Variants in C8orf34 observed in about 807,000 individuals in gnomAD.
The protein encoded by C8orf34 is uncharacterized protein C8orf34.
Under a neutral mutation model 68.3 loss-of-function variants are expected in C8orf34, and 65 were observed. That is an observed-to-expected ratio of 0.95 (90% CI 0.78 to 1.17). C8orf34 has a LOEUF of 1.17. C8orf34 is among the 50% of genes most tolerant of loss of function. C8orf34 has a pLI of 0.00. For missense variants in C8orf34, 664 were observed against 655.4 expected (o/e 1.01, Z -0.14); for synonymous variants, 244 against 241.2 (o/e 1.01, Z -0.11).
chr8:68,713,352 CA>C (rs112161624), intron 9 of C8orf34, among the ~76,000 whole-genome samples: 2 of 150,600 alleles, frequency 1.3e-5, no homozygotes, highest in Non-Finnish European at 3.0e-5. Context: ...ACTGAAAGAA[CA>C]AAAAAAATAC....
chr8:68,640,521 A>G lies in C8orf34; in HGVS notation c.1241+10A>G, dbSNP rs1412910228. The G allele has an allele frequency of 6.2e-7, 1 of 1,611,036 alleles. No individual in the cohort carries two copies. Among genetic ancestry groups the G allele is most frequent in the South Asian group, 1.1e-5 (1 of 90,610 alleles). ...GTTCAAGGTGTGCCAGGTAAAAGAC[A>G]TAATAGGTATAGTATATATAAACAT... On this transcript the variant is annotated intron_variant, in intron 8 of 13. Coordinates refer to ENST00000518698, the MANE Select transcript of C8orf34 (RefSeq NM_052958.4).
At chr8:68,614,557 A>G (rs1486009220) in intron 7 of C8orf34, among the ~76,000 whole-genome samples, 3 of 152,104 alleles carry the variant, frequency 2.0e-5, no homozygotes, top group African/African-American at 7.2e-5. Flanking sequence ...TCCTTTCCCC[A>G]TTGCTTGTTT....
At chr8:68,738,748 C>A (rs2129527150) in intron 10 of C8orf34, among the ~76,000 whole-genome samples, 1 of 152,148 alleles carries the variant, frequency 6.6e-6, no homozygotes, top group South Asian at 2.1e-4. Flanking sequence ...GAAATTGAAT[C>A]TCTGTATAGA....
intron 11 of C8orf34, among the ~76,000 whole-genome samples, chr8:68,785,942 A>T (rs1374829929): frequency 3.9e-5 from 6 of 152,224 alleles, no homozygotes; most frequent in African/African-American, 1.4e-4. Flanking sequence ...TGGCAGATAG[A>T]ATATTTATCT....
intron 5 of C8orf34, among the ~76,000 whole-genome samples, chr8:68,494,054 A>T (rs539950864): frequency 1.3e-5 from 2 of 152,354 alleles, no homozygotes; most frequent in African/African-American, 4.8e-5. Flanking sequence ...ATTTATAGGA[A>T]ATAATTGGAC....
At chr8:68,464,687 C>T (rs1812024606) in intron 3 of C8orf34, among the ~76,000 whole-genome samples, 1 of 151,344 alleles carries the variant, frequency 6.6e-6, no homozygotes. Flanking sequence ...CTGAGAAAAA[C>T]AAGCAATGGG....
chr8:68,385,398 A>G (rs529389858), intron 1 of C8orf34, among the ~76,000 whole-genome samples: 1 of 152,326 alleles, frequency 6.6e-6, no homozygotes, highest in South Asian at 2.1e-4. Flanking sequence ...GGAAACAGGA[A>G]TAGCATTTTT....
At chr8:68,754,397 C>G (rs1822792447) in intron 10 of C8orf34, among the ~76,000 whole-genome samples, 1 of 152,202 alleles carries the variant, frequency 6.6e-6, no homozygotes. Flanking sequence ...TATGTTCTTT[C>G]ATGATTACTT....
intron 11 of C8orf34, among the ~76,000 whole-genome samples, chr8:68,784,806 G>GTGTGTGTGTGTA (rs1823797931): frequency 6.7e-6 from 1 of 149,164 alleles, no homozygotes; most frequent in Admixed American, 6.7e-5. Flanking sequence ...GTGTGTATGT[G>GTGTGTGTGTGTA]TGTGTGTGTG....
rs971722245 is a variant in C8orf34 at position 68,519,851 on chromosome 8, G to A, written c.766-1948G>A. ...GGAGAAAATGAAATTCAAGGAATAA[G>A]TAACATTGTAAAGTCTCACAGATGG... is the stretch of plus-strand genomic sequence containing the variant. On this transcript the variant is annotated intron_variant, in intron 5 of 13. Transcript: ENST00000518698. Among the ~76,000 whole-genome samples, 28 of 152,122 alleles carry A rather than the reference G, an allele frequency of 1.8e-4. 1 individual carries two copies. Among genetic ancestry groups the A allele is most frequent in the Non-Finnish European group, 1.5e-5 (1 of 68,002 alleles).
chr8:68,514,653 TAGC>T (rs1312890639), intron 5 of C8orf34, among the ~76,000 whole-genome samples: 2 of 152,188 alleles, frequency 1.3e-5, no homozygotes, highest in Admixed American at 6.5e-5. Flanking sequence ...TGAGGAGAAA[TAGC>T]AGTGCAAAAA....
chr8:68,798,002 A>G (rs546437855), intron 12 of C8orf34, among the ~76,000 whole-genome samples: 84 of 152,356 alleles, frequency 5.5e-4, no homozygotes, highest in African/African-American at 2.0e-3. Flanking sequence ...TAGTAGTACA[A>G]TAAAAACACA....
intron 1 of C8orf34, among the ~76,000 whole-genome samples, chr8:68,366,318 C>T (rs972290573): frequency 1.5e-5 from 2 of 135,664 alleles, no homozygotes; most frequent in Non-Finnish European, 3.1e-5. Context: ...AATGGCCATA[C>T]TGCCCAAGGT....
At chr8:68,459,322 C>CA (rs1236000030) in intron 3 of C8orf34, among the ~76,000 whole-genome samples, 2 of 152,124 alleles carry the variant, frequency 1.3e-5, no homozygotes, top group Non-Finnish European at 2.9e-5. Flanking sequence ...CTCCGTCTCC[C>CA]AGGTTCAAGT....
intron 7 of C8orf34, among the ~76,000 whole-genome samples, chr8:68,553,105 G>A (rs957672207): frequency 2.0e-5 from 3 of 151,918 alleles, no homozygotes; most frequent in African/African-American, 7.3e-5. Flanking sequence ...CTCCACTGGG[G>A]CCAGGCATGG....
At chr8:68,615,399 C>A (rs1363679639) in intron 7 of C8orf34, among the ~76,000 whole-genome samples, 2 of 151,510 alleles carry the variant, frequency 1.3e-5, no homozygotes, top group Non-Finnish European at 2.9e-5. Flanking sequence ...CAGTTTTTGC[C>A]CATTCAGTAT....
rs1824886387 is a variant in C8orf34, at chr8:68,818,487, C to T, written c.*241C>T. 2 of 452,452 alleles carry T rather than the reference C, an allele frequency of 4.4e-6. No individual in the cohort carries two copies. Among genetic ancestry groups the T allele is most frequent in the Non-Finnish European group, 4.0e-6 (1 of 251,622 alleles). 28.0% of individuals were successfully genotyped at this position (452,452 alleles called of 1,614,324 possible). On this transcript the variant is annotated 3_prime_UTR_variant, in exon 14 of 14. Coordinates refer to ENST00000518698, the MANE Select transcript of C8orf34 (RefSeq NM_052958.4). ...GGCTGCCTTTTGACATGGTTAGAGT[C>T]CTGGGTTTAGATTACTTTATAAATA... is the stretch of plus-strand genomic sequence containing the variant.
intron 1 of C8orf34, among the ~76,000 whole-genome samples, chr8:68,387,626 A>G (rs964066745): frequency 1.4e-4 from 22 of 152,134 alleles, no homozygotes; most frequent in Middle Eastern, 3.2e-3. Flanking sequence ...ATGGATGGAG[A>G]TTTACCATAG....
chr8:68,469,824 T>C (rs2129629979), intron 4 of C8orf34, among the ~76,000 whole-genome samples: 1 of 152,000 alleles, frequency 6.6e-6, no homozygotes, highest in Non-Finnish European at 1.5e-5. Flanking sequence ...ACTAATTTCA[T>C]TATTTTTATC....
Sources: gnomAD v4.1 joint callset for allele counts (sites outside exome capture counted in the v4.1 genomes callset) on GRCh38, gnomAD v4.1.1 for gene constraint, MANE v1.5 for transcripts, NCBI Gene and HGNC (gene_info 2026-07-23, HGNC 2026-07-21) for gene names.